ANAPC5: variants seen among roughly 807,000 people sequenced by gnomAD.
The protein encoded by ANAPC5 is anaphase promoting complex subunit 5.
In ANAPC5, 60 loss-of-function variants were observed where a neutral mutation model predicts 91.3. The observed-to-expected ratio is 0.66, with a 90% CI of 0.53 to 0.81. ANAPC5 has a LOEUF of 0.81. Ranked by LOEUF, ANAPC5 falls within the 40% of genes least tolerant of loss-of-function variation. The pLI is 0.00. For synonymous variants in ANAPC5, 340 were observed against 364.1 expected, an observed-to-expected ratio of 0.93 and a Z score of 0.75; for missense variants, 690 against 931.5, an observed-to-expected ratio of 0.74 and a Z score of 3.37.
intron 7 of ANAPC5, 28 bp from the exon 8 acceptor site, chr12:121,331,456 C>A: frequency 1.3e-6 from 2 of 1,558,758 alleles, no homozygotes; most frequent in Admixed American, 1.7e-5. Context: ...ATTAATATCC[C>A]ATTAATAATC....
chr12:121,331,218 C>T, intron 8 of ANAPC5, 129 bp downstream of exon 8: 3 of 662,052 alleles, frequency 4.5e-6, no homozygotes, highest in South Asian at 4.8e-5. Flanking sequence ...ATTCCCATGA[C>T]CACCTAACTT....
chr12:121,330,454 C>G, intron 9 of ANAPC5, 129 bp downstream of exon 9: 2 of 673,730 alleles, frequency 3.0e-6, no homozygotes, highest in Middle Eastern at 5.5e-4. Context: ...TCATATGAAA[C>G]TGCCAAGAAT....
At chr12:121,324,426 G>A (rs1353655091) in intron 11 of ANAPC5, among the ~76,000 whole-genome samples, 1 of 152,114 alleles carries the variant, frequency 6.6e-6, no homozygotes, top group East Asian at 1.9e-4. Flanking sequence ...GGCTGTTGAA[G>A]CCAAACAATG....
intron 15 of ANAPC5, among the ~76,000 whole-genome samples, chr12:121,313,099 ATGAATCACC>A (rs1193511361): frequency 4.6e-5 from 7 of 152,134 alleles, no homozygotes; most frequent in African/African-American, 1.7e-4. Flanking sequence ...GCCAAGGCGG[ATGAATCACC>A]TGAGGTCAGG....
At chr12:121,349,884 T>A (rs1337235168) in intron 1 of ANAPC5, among the ~76,000 whole-genome samples, 1 of 151,994 alleles carries the variant, frequency 6.6e-6, no homozygotes, top group African/African-American at 2.4e-5. Context: ...TTTTTTTTTG[T>A]ATTTTTAGTA....
Position 121,318,371 on chromosome 12 carries a change from G to A in ANAPC5, c.1799C>T (p.Ala600Val), listed in dbSNP as rs369898477. 5.5e-5 allele frequency: 89 copies of A among 1,612,204 alleles called. No homozygotes were observed. Among genetic ancestry groups the A allele is most frequent in the East Asian group, 2.0e-4 (9 of 44,872 alleles). The part of the protein sequence containing the change: ...LYWRSSSPTI[A>V]LPMLLQALAL... ...CAGAGCCTGCAGGAGCATGGGCAGC[G>A]CGATGGTAGGGGAGGAAGATCGCCA... The change falls in exon 15 of 17, where the codon GCG becomes GTG. Residue 600 changes from alanine to valine, a missense_variant. Transcript: ENST00000261819.
intron 11 of ANAPC5, among the ~76,000 whole-genome samples, chr12:121,323,079 C>A (rs1162739449): frequency 1.3e-5 from 2 of 152,064 alleles, no homozygotes; most frequent in Non-Finnish European, 2.9e-5. Context: ...ATGACAGGCA[C>A]TTTTAAGTTC....
Position 121,346,978 on chromosome 12 carries a change from C to T in ANAPC5, c.315G>A (p.Leu105=). The change falls in exon 3 of 17, where the codon TTG becomes TTA. Residue 105 remains leucine (L), a synonymous_variant. Transcript: ENST00000261819. ...CATCAAAAAACTGTTCCATATCCTT[C>T]AACTCGCCTTCAGCCATCAGTTTGA... The part of the protein sequence containing the change: ...IRIKLMAEGE[L]KDMEQFFDDL... The T allele has an allele frequency of 1.9e-6, 3 of 1,610,944 alleles. No homozygotes were observed. In the South Asian group the frequency reaches 3.3e-5, roughly 18 times the overall value.
chr12:121,308,501 T>C lies in ANAPC5; in HGVS notation c.2247A>G (p.Val749=), dbSNP rs1593567412. 2 of 1,614,086 alleles carry C rather than the reference T, an allele frequency of 1.2e-6. No individual in the cohort carries two copies. Among genetic ancestry groups the C allele is most frequent in the Non-Finnish European group, 1.7e-6 (2 of 1,180,012 alleles). The change falls in exon 17 of 17, where the codon GTA becomes GTG. Residue 749 remains valine (V), a synonymous_variant. Coordinates refer to ENST00000261819, the MANE Select transcript of ANAPC5 (RefSeq NM_016237.5). ...QLHQELPSHG[V]PLINHL is the part of the protein sequence containing the mutation. ...CTCTCTAGAGATGGTTTATCAAGGG[T>C]ACCCCATGAGAGGGCAGCTCCTGAT...
At chr12:121,339,556 C>T (rs1375483144) in intron 5 of ANAPC5, among the ~76,000 whole-genome samples, 4 of 152,146 alleles carry the variant, frequency 2.6e-5, no homozygotes, top group Non-Finnish European at 4.4e-5. Flanking sequence ...CTGCAAACTC[C>T]GCCTCATGGG....
chr12:121,309,261 C>T (rs1348152174), intron 16 of ANAPC5, among the ~76,000 whole-genome samples: 1 of 150,858 alleles, frequency 6.6e-6, no homozygotes, highest in Admixed American at 6.6e-5. Context: ...TCAGCCTGAC[C>T]AACATGGAGA....
intron 11 of ANAPC5, among the ~76,000 whole-genome samples, chr12:121,322,505 A>G (rs1198758916): frequency 2.6e-5 from 4 of 152,216 alleles, no homozygotes; most frequent in African/African-American, 9.7e-5. Context: ...ACCACATGGT[A>G]GGCATCCAAT....
At chr12:121,339,066 T>C (rs185785400) in intron 5 of ANAPC5, among the ~76,000 whole-genome samples, 2 of 148,982 alleles carry the variant, frequency 1.3e-5, no homozygotes, top group African/African-American at 4.9e-5. Flanking sequence ...TTTTTTTTTT[T>C]TTTTTTGAGA....
In ANAPC5 at chr12:121,320,426, G is replaced by T. The variant is rs1254002295; in HGVS notation, c.1474C>A (p.His492Asn). The change falls in exon 12 of 17, where the codon CAC (histidine) becomes AAC (asparagine). Residue 492 changes from histidine to asparagine, a missense_variant. His to Asn is a moderately conservative substitution (Grantham distance 68). This residue lies in a region of ANAPC5 where 317 missense variants were observed against 438.7 expected (regional missense o/e 0.72). Transcript: ENST00000261819. ...TTAGGCGGAAATCGTTCCTTCAAGT[G>T]CTTTAACACTTCAGAAGCTGCAGCA... Reference protein sequence around the residue: ...CFAAASEVLKHLKERFPPNSQ... With the variant: ...CFAAASEVLKNLKERFPPNSQ... The T allele has an allele frequency of 1.2e-6, 2 of 1,613,748 alleles. No homozygotes were observed. The highest frequency in any genetic ancestry group is 3.3e-5 in the Admixed American group (2 of 60,018).
chr12:121,336,768 G>A (rs1207843841), intron 6 of ANAPC5, among the ~76,000 whole-genome samples: 2 of 152,208 alleles, frequency 1.3e-5, no homozygotes, highest in African/African-American at 4.8e-5. Flanking sequence ...GATGATGACT[G>A]AAAGAGAACA....
intron 11 of ANAPC5, among the ~76,000 whole-genome samples, 175 bp downstream of exon 11, chr12:121,326,921 C>A (rs542491829): frequency 2.6e-5 from 4 of 152,320 alleles, no homozygotes; most frequent in Admixed American, 2.0e-4. Context: ...TCAAATTCAA[C>A]CAACTTTGCA....
chr12:121,341,932 CACACATCACAGGACTAG>C lies in ANAPC5; in HGVS notation c.657+54_657+70del, dbSNP rs1468425802. On this transcript the variant is annotated intron_variant, in intron 5 of 16. Coordinates refer to ENST00000261819, the MANE Select transcript of ANAPC5 (RefSeq NM_016237.5). Reference sequence around the variant, plus strand: ...TGCACATAACGGGCCTATGCCACAACACACATCACAGGACTAGACACATCACAGGACTAGAACAGAAG... The same window carrying C: ...TGCACATAACGGGCCTATGCCACAACACACATCACAGGACTAGAACAGAAG... 4.0e-6 allele frequency: 5 copies of C among 1,242,688 alleles called. No individual in the cohort carries two copies. In the African/African-American group the frequency reaches 4.5e-5, roughly 11 times the overall value. 77.0% of individuals were successfully genotyped at this position (1,242,688 alleles called of 1,614,324 possible).
chr12:121,350,530 A>C (rs2668259), intron 1 of ANAPC5, among the ~76,000 whole-genome samples: 101,910 of 151,706 alleles, frequency 0.67, 38,428 homozygotes, highest in Non-Finnish European at 0.84. Flanking sequence ...AAATACAAAA[A>C]ATTAGCCGGG....
In ANAPC5 at chr12:121,319,678, A is replaced by G; in HGVS notation, c.1637+19T>C. 1 of 1,596,898 alleles carries G rather than the reference A, an allele frequency of 6.3e-7. No homozygotes were observed. Among genetic ancestry groups the G allele is most frequent in the Non-Finnish European group, 8.5e-7 (1 of 1,174,964 alleles). ...AACAATTATTTTATTCTGGGGTTAG[A>G]GTTTTCAAGGTTTCTTACCTATAAA... On this transcript the variant is annotated intron_variant, in intron 13 of 16. Coordinates refer to ENST00000261819, the MANE Select transcript of ANAPC5 (RefSeq NM_016237.5).
Sources: allele counts gnomAD v4.1 joint callset (sites outside exome capture counted in the v4.1 genomes callset), GRCh38; gene constraint gnomAD v4.1.1; regional missense constraint gnomAD v4.1.1; transcripts MANE v1.5; gene names NCBI Gene and HGNC (gene_info 2026-07-23, HGNC 2026-07-21).